The following ZNF330 variants were observed in gnomAD, a reference collection of about 807,000 sequenced individuals.
ZNF330 encodes zinc finger protein 330.
In ZNF330, 31 loss-of-function variants were observed where a neutral mutation model predicts 45.5. The observed-to-expected ratio is 0.68, with a 90% CI of 0.51 to 0.92. The LOEUF is 0.92. ZNF330 is among the 40% of genes least tolerant of loss of function. The pLI is 0.00. For missense variants in ZNF330, 356 were observed against 387.4 expected (o/e 0.92, Z 0.68); for synonymous variants, 138 against 123.2 (o/e 1.12, Z -0.79).
intron 5 of ZNF330, among the ~76,000 whole-genome samples, chr4:141,228,505 A>G (rs1728862987): frequency 1.3e-5 from 2 of 152,046 alleles, no homozygotes; most frequent in South Asian, 4.1e-4. Flanking sequence ...TAAGGACCAC[A>G]GTTCTCCCTA....
At chr4:141,228,719 T>G (rs902088182) in intron 5 of ZNF330, among the ~76,000 whole-genome samples, 1 of 152,130 alleles carries the variant, frequency 6.6e-6, no homozygotes, top group Non-Finnish European at 1.5e-5. Context: ...TCTTCCTATT[T>G]GTTGTTTACT....
chr4:141,229,436 T>A, intron 5 of ZNF330, 135 bp from the exon 6 acceptor site: 1 of 1,175,586 alleles, frequency 8.5e-7, no homozygotes, highest in Non-Finnish European at 1.2e-6. Flanking sequence ...AGTAAAATGT[T>A]TAAATGAAGC....
chr4:141,226,544 A>G (rs1018741919), intron 4 of ZNF330, among the ~76,000 whole-genome samples: 2 of 152,180 alleles, frequency 1.3e-5, no homozygotes, highest in Non-Finnish European at 2.9e-5. Flanking sequence ...TTCATTTTAC[A>G]GATTTATTAG....
intron 4 of ZNF330, among the ~76,000 whole-genome samples, 187 bp downstream of exon 4, chr4:141,224,864 T>C (rs528904630): frequency 6.0e-4 from 92 of 152,144 alleles, no homozygotes; most frequent in Non-Finnish European, 2.4e-4. Flanking sequence ...TGGTTTTGTC[T>C]CTTTGATGTA....
chr4:141,231,340 G>T, intron 7 of ZNF330, 99 bp from the exon 8 acceptor site: 1 of 1,024,698 alleles, frequency 9.8e-7, no homozygotes, highest in Non-Finnish European at 1.4e-6. Context: ...CTGTCTATAA[G>T]GCTATATTCC....
At chr4:141,223,505 T>C (rs1418533455) in intron 2 of ZNF330, among the ~76,000 whole-genome samples, 1 of 152,226 alleles carries the variant, frequency 6.6e-6, no homozygotes. Context: ...GTAGCTTGCA[T>C]GTCTCACATC....
chr4:141,229,868 A>G (rs761973563), intron 6 of ZNF330, among the ~76,000 whole-genome samples, 171 bp downstream of exon 6: 2 of 152,050 alleles, frequency 1.3e-5, no homozygotes, highest in African/African-American at 4.8e-5. Context: ...GTTATTGTCA[A>G]TGCTAGTATT....
chr4:141,229,748 T>C (rs775638762), intron 6 of ZNF330, 51 bp downstream of exon 6: 28 of 1,607,450 alleles, frequency 1.7e-5, no homozygotes, highest in Non-Finnish European at 2.3e-5. Context: ...AATGTTGACT[T>C]TGAAACATTT....
chr4:141,233,142 T>C lies in ZNF330; in HGVS notation c.688+500T>C, dbSNP rs577445953. On this transcript the variant is annotated intron_variant, in intron 9 of 9. Coordinates refer to ENST00000262990, the MANE Select transcript of ZNF330 (RefSeq NM_014487.6). Reference sequence around the variant, plus strand: ...GAAGGAATAAGCATGCTTATAGTAATGCAGCTCGCAATTTTGTTAAAGAGA... The same window carrying C: ...GAAGGAATAAGCATGCTTATAGTAACGCAGCTCGCAATTTTGTTAAAGAGA... Among the ~76,000 whole-genome samples, 6 of 152,254 alleles carry C rather than the reference T, an allele frequency of 3.9e-5. No homozygotes were observed. In the East Asian group the frequency reaches 1.2e-3, roughly 29 times the overall value.
At position 141,232,568 on chromosome 4, in the gene ZNF330, A is replaced by G. The variant is rs1233085681; in HGVS notation, c.614A>G (p.Gln205Arg). The change falls in exon 9 of 10, where the codon CAA becomes CGA. Residue 205 changes from glutamine to arginine, a missense_variant. Coordinates refer to ENST00000262990, the MANE Select transcript of ZNF330 (RefSeq NM_014487.6). ...CATACAAGGAGCAAAGTGTTTAAGC[A>G]AGAAAAAGGAAAACAGCCTCCTTGT... ...DDHTRSKVFKQEKGKQPPCPK... is the reference protein window; with the variant it reads ...DDHTRSKVFKREKGKQPPCPK... The G allele has an allele frequency of 1.2e-6, 2 of 1,600,926 alleles. No homozygotes were observed. The highest frequency in any genetic ancestry group is 1.7e-6 in the Non-Finnish European group (2 of 1,173,732).
chr4:141,228,674 A>T (rs1728867361), intron 5 of ZNF330, among the ~76,000 whole-genome samples: 1 of 152,132 alleles, frequency 6.6e-6, no homozygotes, highest in African/African-American at 2.4e-5. Context: ...TTTGCTAGCT[A>T]TACTGATAAC....
At chr4:141,227,981 AT>A (rs1317046846) in intron 5 of ZNF330, among the ~76,000 whole-genome samples, 1 of 152,056 alleles carries the variant, frequency 6.6e-6, no homozygotes, top group Admixed American at 6.5e-5. Context: ...TTGCAGTATG[AT>A]TTTATGTTCA....
At chr4:141,220,758 T>C (rs1728650506), upstream of ZNF330, 1 of 152,300 alleles carries the variant, frequency 6.6e-6, no homozygotes, top group Non-Finnish European at 1.5e-5. Context: ...CTTCCCTATT[T>C]TCCCTCGCAT....
intron 5 of ZNF330, among the ~76,000 whole-genome samples, chr4:141,227,829 C>T (rs1480403466): frequency 6.6e-6 from 1 of 152,090 alleles, no homozygotes; most frequent in Non-Finnish European, 1.5e-5. Context: ...ATATATTTAA[C>T]ATACCTCTTC....
chr4:141,223,029 C>T (rs1728721701), intron 2 of ZNF330, among the ~76,000 whole-genome samples: 1 of 151,568 alleles, frequency 6.6e-6, no homozygotes. Flanking sequence ...TTCCGGTTCT[C>T]TCTATTTCCA....
In ZNF330 at chr4:141,234,056, G is replaced by C. The variant is rs1729025339; in HGVS notation, c.*67G>C. 6.5e-7 allele frequency: 1 copy of C among 1,534,484 alleles called. No homozygotes were observed. On this transcript the variant is annotated 3_prime_UTR_variant, in exon 10 of 10. Coordinates refer to ENST00000262990, the MANE Select transcript of ZNF330 (RefSeq NM_014487.6). The stretch of plus-strand genomic sequence containing the variant: ...AGTGTGTGTGCTTGATGAATTGTGT[G>C]TGGTTGTTCAAAAGTACCTTAGCCA...
intron 7 of ZNF330, among the ~76,000 whole-genome samples, 153 bp downstream of exon 7, chr4:141,230,423 A>T (rs929527894): frequency 1.3e-5 from 2 of 152,172 alleles, no homozygotes; most frequent in African/African-American, 4.8e-5. Context: ...AAAACAGAAC[A>T]GTCAGAATAT....
At chr4:141,226,889 T>C in intron 5 of ZNF330, 43 bp downstream of exon 5, 1 of 1,462,668 alleles carries the variant, frequency 6.8e-7, no homozygotes, top group Non-Finnish European at 9.4e-7. Flanking sequence ...TTTTCAAGGA[T>C]AAGAAAATGT....
At chr4:141,225,593 T>C (rs916248065) in intron 4 of ZNF330, among the ~76,000 whole-genome samples, 13 of 152,042 alleles carry the variant, frequency 8.6e-5, no homozygotes, top group African/African-American at 2.4e-4. Context: ...TGTGTTTATA[T>C]GTAATAATAT....
Sources: gnomAD v4.1 joint callset for allele counts (sites outside exome capture counted in the v4.1 genomes callset) on GRCh38, gnomAD v4.1.1 for gene constraint, MANE v1.5 for transcripts, NCBI Gene and HGNC (gene_info 2026-07-23, HGNC 2026-07-21) for gene names.